Variants in NAV3 observed in about 807,000 individuals in gnomAD.
NAV3 encodes the protein neuron navigator 3.
A neutral mutation model predicts 244.7 loss-of-function variants in NAV3; 87 were observed. The ratio of observed to expected loss-of-function variants is 0.36; its 90% CI spans 0.30 to 0.42. The LOEUF (loss-of-function observed/expected upper bound fraction) is 0.42, where lower values mean the gene tolerates loss of function less well. Among genes scored for constraint, NAV3 ranks in the 20% least tolerant of loss-of-function variants. The pLI, the probability that NAV3 is intolerant of heterozygous loss-of-function variation, is 1.00. For missense variants in NAV3, 2,663 were observed against 2,893.3 expected (o/e 0.92, Z 1.83); for synonymous variants, 1,126 against 1,042.2 (o/e 1.08, Z -1.55).
At chr12:77,820,830 G>A (rs1202216190) in intron 2 of NAV3, among the ~76,000 whole-genome samples, 1 of 152,088 alleles carries the variant, frequency 6.6e-6, no homozygotes, top group Non-Finnish European at 1.5e-5. Context: ...GGTGCCATAA[G>A]ATTTCCTTAA....
chr12:77,885,698 T>C (rs1371727115), intron 1 of NAV3, among the ~76,000 whole-genome samples: 1 of 152,166 alleles, frequency 6.6e-6, no homozygotes, highest in East Asian at 1.9e-4. Flanking sequence ...TAATGATCTG[T>C]TAAGATGCAC....
At chr12:77,879,229 G>A (rs1332004984) in intron 1 of NAV3, among the ~76,000 whole-genome samples, 1 of 152,116 alleles carries the variant, frequency 6.6e-6, no homozygotes, top group Non-Finnish European at 1.5e-5. Context: ...ATTGAACCAT[G>A]CGATTTTAGA....
At chr12:77,976,828 G>A (rs942559185) in intron 5 of NAV3, among the ~76,000 whole-genome samples, 6 of 151,386 alleles carry the variant, frequency 4.0e-5, no homozygotes, top group East Asian at 1.9e-4. Flanking sequence ...ACAGGCACAC[G>A]CCACCACATC....
intron 2 of NAV3, among the ~76,000 whole-genome samples, chr12:77,672,633 A>C (rs112523694): frequency 5.9e-4 from 90 of 152,064 alleles, no homozygotes; most frequent in African/African-American, 2.1e-3. Context: ...ATAAGCTATG[A>C]GGACACACAA....
chr12:78,086,751 C>A (rs563740476), intron 12 of NAV3, among the ~76,000 whole-genome samples: 1 of 152,004 alleles, frequency 6.6e-6, no homozygotes, highest in Non-Finnish European at 1.5e-5. Flanking sequence ...TTCTGCAGCA[C>A]CCCCTGTGGT....
intron 2 of NAV3, among the ~76,000 whole-genome samples, chr12:77,597,868 A>G (rs1870240326): frequency 6.6e-6 from 1 of 152,108 alleles, no homozygotes; most frequent in Non-Finnish European, 1.5e-5. Flanking sequence ...ATACAGTTTT[A>G]TGGTGGAGAC....
chr12:78,173,209 A>G (rs1249727247), intron 24 of NAV3, among the ~76,000 whole-genome samples: 2 of 151,662 alleles, frequency 1.3e-5, no homozygotes, highest in Non-Finnish European at 3.0e-5. Context: ...ATTGTTAGGG[A>G]ACAGTAAAAT....
chr12:77,698,433 A>C (rs1449893634), intron 2 of NAV3, among the ~76,000 whole-genome samples: 1 of 152,174 alleles, frequency 6.6e-6, no homozygotes, highest in Non-Finnish European at 1.5e-5. Context: ...GGTGGAACAG[A>C]TTGTGGGCTG....
chr12:78,182,296 T>G (rs1958530761), intron 30 of NAV3, among the ~76,000 whole-genome samples: 1 of 152,030 alleles, frequency 6.6e-6, no homozygotes, highest in Admixed American at 6.6e-5. Flanking sequence ...CTGGCAGTTC[T>G]GAACAACATC....
chr12:78,024,710 T>G (rs1415450938), intron 9 of NAV3, among the ~76,000 whole-genome samples: 2 of 152,056 alleles, frequency 1.3e-5, no homozygotes, highest in African/African-American at 4.8e-5. Context: ...GGGTGCGGTG[T>G]CTCACACCTG....
chr12:77,863,581 C>T (rs1879574373), intron 1 of NAV3, among the ~76,000 whole-genome samples: 1 of 151,836 alleles, frequency 6.6e-6, no homozygotes, highest in South Asian at 2.1e-4. Flanking sequence ...ATTTATTGGA[C>T]TGAGTCTTGA....
At chr12:77,771,232 T>C (rs1004908447) in intron 2 of NAV3, among the ~76,000 whole-genome samples, 3 of 152,138 alleles carry the variant, frequency 2.0e-5, no homozygotes, top group Non-Finnish European at 4.4e-5. Flanking sequence ...TCACACCAGT[T>C]AGAATGGCGA....
intron 2 of NAV3, among the ~76,000 whole-genome samples, chr12:77,717,784 C>A (rs1876427494): frequency 6.6e-6 from 1 of 151,894 alleles, no homozygotes; most frequent in African/African-American, 2.4e-5. Context: ...TTTGATAACA[C>A]CTACCCAAAC....
At chr12:77,925,858 T>A (rs1048036693) in intron 1 of NAV3, among the ~76,000 whole-genome samples, 1 of 152,134 alleles carries the variant, frequency 6.6e-6, no homozygotes, top group African/African-American at 2.4e-5. Context: ...CTCACCAATA[T>A]GTTTTGCTAT....
At chr12:78,005,212 T>G (rs1873990940) in intron 7 of NAV3, among the ~76,000 whole-genome samples, 1 of 152,158 alleles carries the variant, frequency 6.6e-6, no homozygotes, top group Non-Finnish European at 1.5e-5. Context: ...AAAAATGACA[T>G]TAGGGGAACC....
chr12:78,118,585 G>C (rs1173592618), intron 14 of NAV3, among the ~76,000 whole-genome samples: 1 of 152,148 alleles, frequency 6.6e-6, no homozygotes, highest in African/African-American at 2.4e-5. Context: ...ATAAGATTAG[G>C]TTGCTAAAGC....
At chr12:78,137,447 G>T in intron 19 of NAV3, 82 bp downstream of exon 19, 1 of 1,350,108 alleles carries the variant, frequency 7.4e-7, no homozygotes, top group African/African-American at 1.5e-5. Context: ...ACATCACAAA[G>T]ATTCCTGAAG....
intron 2 of NAV3, among the ~76,000 whole-genome samples, chr12:77,631,341 C>T (rs1400385612): frequency 6.7e-6 from 1 of 149,696 alleles, no homozygotes; most frequent in Non-Finnish European, 1.5e-5. Flanking sequence ...CTCCAGGGAA[C>T]AAATCCATCA....
intron 12 of NAV3, among the ~76,000 whole-genome samples, chr12:78,078,526 G>A (rs1055610668): frequency 6.7e-5 from 10 of 149,592 alleles, no homozygotes; most frequent in Middle Eastern, 3.5e-3. Flanking sequence ...CTCCCAAGTA[G>A]CTGGGACTAC....
Sources: allele counts gnomAD v4.1 joint callset (sites outside exome capture counted in the v4.1 genomes callset), GRCh38; gene constraint gnomAD v4.1.1; transcripts MANE v1.5; gene names NCBI Gene and HGNC (gene_info 2026-07-23, HGNC 2026-07-21).